The following PSG7 variants were observed in gnomAD, a reference collection of about 807,000 sequenced individuals.
The protein encoded by PSG7 is pregnancy specific beta-1-glycoprotein 7, also known as pregnancy-specific beta-1-glycoprotein 7.
A neutral mutation model predicts 45.6 loss-of-function variants in PSG7; 57 were observed. That is an observed-to-expected ratio of 1.25 (90% CI 1.01 to 1.56). The LOEUF (loss-of-function observed/expected upper bound fraction) is 1.56. PSG7 is among the 40% of genes most tolerant of loss of function. The pLI is 0.00. For synonymous variants in PSG7, 298 were observed against 194.4 expected (o/e 1.53, Z -4.43); for missense variants, 796 against 508.4 (o/e 1.57, Z -5.44).
chr19:42,936,898 C>G (rs1973163361), intron 1 of PSG7, 115 bp downstream of exon 1: 2 of 1,470,066 alleles, frequency 1.4e-6, no homozygotes, highest in East Asian at 4.7e-5. Flanking sequence ...CCACCCACCT[C>G]AGCCTCCCAA....
Position 42,926,517 on chromosome 19 carries a change from A to G in PSG7, c.909T>C (p.Asn303=), listed in dbSNP as rs1443696884. Residue 303 remains asparagine, a synonymous_variant, in exon 4 of 6, where the codon AAT becomes AAC. Coordinates refer to ENST00000406070, the MANE Select transcript of PSG7 (RefSeq NM_002783.3). ...TTTCACATTGATAGGGTCCTGTTTC[A>G]TTTCTCGTGACACTGGGTAGAATGA... ...RILILPSVTR[N]ETGPYQCEIR... The G allele has an allele frequency of 3.7e-6, 6 of 1,610,852 alleles. No individual in the cohort carries two copies. In the Admixed American group the frequency reaches 1.0e-4, roughly 27 times the overall value.
At position 42,935,977 on chromosome 19, in the gene PSG7, A is replaced by G. The variant is rs368339041; in HGVS notation, c.65-208T>C. ...TCTGTGTGTGTCCTACTGTCCTACT[A>G]GGTCAAGGTCAGCAGCATGACCCCC... On this transcript the variant is annotated intron_variant, in intron 1 of 5. Transcript: ENST00000406070. Among the ~76,000 whole-genome samples the G allele has an allele frequency of 2.1e-4, 32 of 150,654 alleles. 2 individuals carry two copies. The highest frequency in any genetic ancestry group is 1.1e-3 in the Admixed American group (16 of 15,034).
intron 4 of PSG7, 129 bp from the exon 5 acceptor site, chr19:42,926,156 G>T: frequency 6.8e-7 from 1 of 1,473,540 alleles, no homozygotes. Flanking sequence ...TCCCCTCTAT[G>T]TTCACTGAGC....
chr19:42,925,348 T>G (rs528411350), intron 5 of PSG7: 12 of 374,814 alleles, frequency 3.2e-5, no homozygotes, highest in South Asian at 2.5e-4. Flanking sequence ...TTCTGGGGCA[T>G]TCAGGTAGAG....
chr19:42,926,231 A>G, intron 4 of PSG7: 3 of 1,386,034 alleles, frequency 2.2e-6, no homozygotes, highest in Non-Finnish European at 2.9e-6. Flanking sequence ...TCCCATGACA[A>G]GAGCGTCCAC....
chr19:42,925,057 T>A (rs1187961443), intron 5 of PSG7: 2 of 544,496 alleles, frequency 3.7e-6, no homozygotes, highest in Middle Eastern at 4.8e-4. Context: ...GGCTCTCTTT[T>A]AAAATTTTCT....
intron 2 of PSG7, among the ~76,000 whole-genome samples, chr19:42,932,562 T>C (rs543476180): frequency 1.3e-5 from 2 of 151,296 alleles, no homozygotes; most frequent in South Asian, 2.1e-4. Context: ...CCCTGATGAG[T>C]CCGTGCAAAG....
chr19:42,932,682 T>C lies in PSG7; in HGVS notation c.430+2722A>G, dbSNP rs73553546. ...TAGGCCAGGCTATCCTTGGGAAGAA[T>C]TTGGTTTATGGTTTAACTTTGAAGC... is the stretch of plus-strand genomic sequence containing the variant. On this transcript the variant is annotated intron_variant, in intron 2 of 5. Transcript: ENST00000406070. 4.3e-3 allele frequency among the ~76,000 whole-genome samples: 653 copies of C among 151,628 alleles called. 13 individuals carry two copies. The highest frequency in any genetic ancestry group is 0.015 in the African/African-American group (637 of 41,304).
intron 1 of PSG7, 118 bp downstream of exon 1, chr19:42,936,895 C>T (rs1973163330): frequency 2.7e-6 from 4 of 1,457,948 alleles, no homozygotes; most frequent in African/African-American, 2.8e-5. Context: ...GATCCACCCA[C>T]CTCAGCCTCC....
At position 42,926,432 on chromosome 19, in the gene PSG7, A is replaced by C. The variant is rs1249340045; in HGVS notation, c.988+6T>G. 1 of 1,611,276 alleles carries C rather than the reference A, an allele frequency of 6.2e-7. No homozygotes were observed. Among genetic ancestry groups the C allele is most frequent in the South Asian group, 1.1e-5 (1 of 90,550 alleles). On this transcript the variant is annotated splice_donor_region_variant and intron_variant, in intron 4 of 5. Transcript: ENST00000406070. ...AGAGGAAGAAAGGATACTCAAGGAT[A>C]CTCACAGAGGACATTCAGGGTGACT...
intron 1 of PSG7, chr19:42,936,078 A>G (rs1211322677): frequency 1.3e-5 from 5 of 382,716 alleles, no homozygotes; most frequent in Non-Finnish European, 2.3e-5. Context: ...GGCCCCCTCC[A>G]CACTGCCCTC....
In PSG7 at chr19:42,924,312, A is replaced by G; in HGVS notation, c.*496T>C. The G allele has an allele frequency of 2.8e-6, 1 of 356,292 alleles. No homozygotes were observed. Among genetic ancestry groups the G allele is most frequent in the Non-Finnish European group, 5.0e-6 (1 of 199,688 alleles). The allele number at this position is 356,292 out of a possible 1,614,324, so 22.1% of individuals were successfully genotyped here. On this transcript the variant is annotated 3_prime_UTR_variant, in exon 6 of 6. Transcript: ENST00000406070. ...TCTTCTCTGCAAACACACAGGCAATATCTCTGTGTTCATTTCTATTGGGAG... is the reference window on the plus strand; with the variant it reads ...TCTTCTCTGCAAACACACAGGCAATGTCTCTGTGTTCATTTCTATTGGGAG...
At chr19:42,933,305 A>ATTTTTTTT (rs1294208407) in intron 2 of PSG7, among the ~76,000 whole-genome samples, 6 of 13,732 alleles carry the variant, frequency 4.4e-4, no homozygotes, top group African/African-American at 1.0e-3. Flanking sequence ...ATATATATAT[A>ATTTTTTTT]TATTTTTTTT....
At chr19:42,928,350 T>A (rs114895052) in intron 3 of PSG7, among the ~76,000 whole-genome samples, 2,486 of 151,664 alleles carry the variant, frequency 0.016, 126 homozygotes, top group African/African-American at 0.057. Context: ...AGGGGTTGCA[T>A]TGAATCTGCA....
chr19:42,929,369 C>A, intron 3 of PSG7, 73 bp downstream of exon 3: 2 of 1,609,720 alleles, frequency 1.2e-6, no homozygotes, highest in South Asian at 2.2e-5. Flanking sequence ...CTGAGAGGGA[C>A]TGAGAAGCCC....
intron 2 of PSG7, among the ~76,000 whole-genome samples, chr19:42,931,584 C>A (rs963545748): frequency 6.6e-6 from 1 of 151,498 alleles, no homozygotes. Flanking sequence ...CAGGAAACAC[C>A]ACTAGAGTTT....
intron 2 of PSG7, among the ~76,000 whole-genome samples, chr19:42,931,122 G>A (rs1249000903): frequency 2.6e-5 from 4 of 151,552 alleles, no homozygotes; most frequent in Non-Finnish European, 5.9e-5. Flanking sequence ...CCCATAAAAT[G>A]TTGTCAGGAG....
intron 3 of PSG7, chr19:42,927,189 C>T (rs60808133): frequency 0.16 from 28,412 of 181,480 alleles, 2,866 homozygotes; most frequent in African/African-American, 0.2. Context: ...GTCCTGAAAC[C>T]CTGCAGATAC....
chr19:42,929,138 G>A lies in PSG7; in HGVS notation c.709+304C>T, dbSNP rs565563562. 1.0e-4 allele frequency: 55 copies of A among 533,048 alleles called. 1 individual carries two copies. The highest frequency in any genetic ancestry group is 9.1e-4 in the South Asian group (29 of 31,952). The allele number at this position is 533,048 out of a possible 1,614,324, so 33.0% of individuals were successfully genotyped here. A position where few individuals can be genotyped will look rare whatever the true frequency, so the allele number is the denominator to read the frequency against. On this transcript the variant is annotated intron_variant, in intron 3 of 5. Transcript: ENST00000406070. Reference sequence around the variant, plus strand: ...CCACAGTGACCCTGTGAGTCAAGTCGCAACACTGAAGTCCCAGCCAAATCC... The same window carrying A: ...CCACAGTGACCCTGTGAGTCAAGTCACAACACTGAAGTCCCAGCCAAATCC...
Sources: gnomAD v4.1 joint callset for allele counts (sites outside exome capture counted in the v4.1 genomes callset) on GRCh38, gnomAD v4.1.1 for gene constraint, MANE v1.5 for transcripts, NCBI Gene and HGNC (gene_info 2026-07-23, HGNC 2026-07-21) for gene names.